The following FLG variants were observed in gnomAD, a reference collection of about 807,000 sequenced individuals.
The protein encoded by FLG is epidermal filaggrin.
In FLG, 6 loss-of-function variants were observed where a neutral mutation model predicts 3.8. The observed-to-expected ratio is 1.60, with a 90% CI of 0.87 to 3.15. The LOEUF is 3.15. Among genes scored for constraint, FLG ranks in the 30% most tolerant of loss-of-function variants. The pLI, the probability that FLG is intolerant of heterozygous loss-of-function variation, is 0.00. For synonymous variants in FLG, 2,551 were observed against 1,931.6 expected, an observed-to-expected ratio of 1.32 and a Z score of -8.41; for missense variants, 7,595 against 5,050.9, an observed-to-expected ratio of 1.50 and a Z score of -15.27.
Position 152,304,762 on chromosome 1 carries a change from C to T in FLG, c.10124G>A (p.Arg3375Gln), listed in dbSNP as rs551056294. The change falls in exon 3 of 3, where the codon CGG becomes CAG. Residue 3375 changes from arginine (R) to glutamine (Q), a missense_variant. Arg to Gln is a conservative substitution (Grantham distance 43). Coordinates refer to ENST00000368799, the MANE Select transcript of FLG (RefSeq NM_002016.2). The part of the protein sequence containing the change: ...QQSHQESARD[R>Q]SGGRSGRSGS... ...TGAACGTCCAGACCTTCCCCCTGAC[C>T]GGTCACGTGCGGACTCTTGGTGGCT... The T allele has an allele frequency of 1.9e-5, 31 of 1,613,460 alleles. No individual in the cohort carries two copies. The highest frequency in any genetic ancestry group is 7.7e-5 in the South Asian group (7 of 90,956).
Position 152,324,396 on chromosome 1 carries a change from C to T in FLG, c.-22+793G>A, listed in dbSNP as rs530072001. On this transcript the variant is annotated intron_variant, in intron 1 of 2. Transcript: ENST00000368799. ...CTGGTCCTCTTTTTAACTATGTATG[C>T]TCTAAGGCACACTAGCTTCTTTTTG... Among the ~76,000 whole-genome samples, 6 of 152,000 alleles carry T rather than the reference C, an allele frequency of 3.9e-5. No individual in the cohort carries two copies. In the South Asian group the frequency reaches 1.2e-3, roughly 32 times the overall value.
rs1306923589 is a variant in FLG, at chr1:152,309,362, G to T, written c.5524C>A (p.His1842Asn). 1 of 1,613,880 alleles carries T rather than the reference G, an allele frequency of 6.2e-7. No individual in the cohort carries two copies. The highest frequency in any genetic ancestry group is 2.2e-5 in the East Asian group (1 of 44,802). Residue 1842 changes from histidine (H) to asparagine (N), a missense_variant, in exon 3 of 3, where the codon CAT becomes AAT. Coordinates refer to ENST00000368799, the MANE Select transcript of FLG (RefSeq NM_002016.2). ...TCCTGGGACGTGGTGTGGCTGTGAT[G>T]AGACCCTGAGTGTCCAGAACTATCT... Reference protein sequence around the residue: ...SVDSSGHSGSHHSHTTSQERS... With the variant: ...SVDSSGHSGSNHSHTTSQERS...
chr1:152,307,666 C>CG lies in FLG; in HGVS notation c.7219_7220insC (p.Arg2407ThrfsTer16), dbSNP rs1652072683. On this transcript the variant is annotated frameshift_variant, in exon 3 of 3. Coordinates refer to ENST00000368799, the MANE Select transcript of FLG (RefSeq NM_002016.2). LOFTEE classifies it low-confidence loss of function (END_TRUNC). ...GAGGAAAGACCCTGAACGTCCAGACCTTCCTGCTGACCGGCCACGTGTGGA... is the reference window on the plus strand; with the variant it reads ...GAGGAAAGACCCTGAACGTCCAGACCGTTCCTGCTGACCGGCCACGTGTGGA... The CG allele has an allele frequency of 1.9e-6, 3 of 1,613,292 alleles. No homozygotes were observed. Among genetic ancestry groups the CG allele is most frequent in the Non-Finnish European group, 2.5e-6 (3 of 1,179,894 alleles).
At position 152,307,982 on chromosome 1, in the gene FLG, A is replaced by C. The variant is rs1557874834; in HGVS notation, c.6904T>G (p.Ser2302Ala). The change falls in exon 3 of 3, where the codon TCA (serine) becomes GCA (alanine). Residue 2302 changes from serine (S) to alanine (A), a missense_variant. Coordinates refer to ENST00000368799, the MANE Select transcript of FLG (RefSeq NM_002016.2). ...HGHSAESSRQ[S>A]GTHHAENSSG... is the part of the protein sequence containing the mutation. ...GAATTCTCTGCATGATGAGTGCCTGATTGTCTGGAGCTCTCTGCAGAGTGC... is the reference window on the plus strand; with the variant it reads ...GAATTCTCTGCATGATGAGTGCCTGCTTGTCTGGAGCTCTCTGCAGAGTGC... 6.2e-7 allele frequency: 1 copy of C among 1,614,036 alleles called. No homozygotes were observed. Among genetic ancestry groups the C allele is most frequent in the Admixed American group, 1.7e-5 (1 of 60,022 alleles).
Position 152,311,202 on chromosome 1 carries a change from G to A in FLG, c.3684C>T (p.Asp1228=), listed in dbSNP as rs370746166. 125 of 1,613,634 alleles carry A rather than the reference G, an allele frequency of 7.7e-5. No individual in the cohort carries two copies. Among genetic ancestry groups the A allele is most frequent in the Middle Eastern group, 4.9e-4 (3 of 6,084 alleles). The change falls in exon 3 of 3, where the codon GAC becomes GAT. Residue 1228 remains aspartate, a synonymous_variant. Transcript: ENST00000368799. ...GACGTGACCCTGAGTGCCTGGAGCC[G>A]TCTCCTGATTGTTTGTCCTTACGAG... ...RQTRKDKQSG[D]GSRHSGSRHH...
rs143921038 is a variant in FLG, at chr1:152,324,713, C to G, written c.-22+476G>C. Among the ~76,000 whole-genome samples, 19 of 151,792 alleles carry G rather than the reference C, an allele frequency of 1.3e-4. No individual in the cohort carries two copies. The East Asian group carries it at 1.9e-3, about 16-fold the overall frequency. On this transcript the variant is annotated intron_variant, in intron 1 of 2. Transcript: ENST00000368799. ...TAGTGTCAGTGTGTTTTATGTGTGG[C>G]CCAAGACAATTCTTTTTCCATTATG...
intron 1 of FLG, among the ~76,000 whole-genome samples, chr1:152,315,843 G>A (rs1022666749): frequency 1.3e-5 from 2 of 152,114 alleles, no homozygotes; most frequent in Non-Finnish European, 1.5e-5. Flanking sequence ...CAAATTTACT[G>A]AAAATTACTT....
At position 152,308,286 on chromosome 1, in the gene FLG, T is replaced by G. The variant is rs752294045; in HGVS notation, c.6600A>C (p.Gly2200=). Residue 2200 remains glycine (G), a synonymous_variant, in exon 3 of 3, where the codon GGA becomes GGC. Transcript: ENST00000368799. ...SRKTYDKEQS[G]DGSRHSGSHH... is the part of the protein sequence containing the mutation. ...GCGACCCTGAGTGCCTAGAGCCATCTCCTGATTGTTCCTTGTCATATGTTT... is the reference window on the plus strand; with the variant it reads ...GCGACCCTGAGTGCCTAGAGCCATCGCCTGATTGTTCCTTGTCATATGTTT... 9.3e-6 allele frequency: 15 copies of G among 1,613,390 alleles called. No individual in the cohort carries two copies. In the East Asian group the frequency reaches 3.1e-4, roughly 34 times the overall value.
intron 1 of FLG, among the ~76,000 whole-genome samples, chr1:152,324,506 A>ATCTT (rs1653084111): frequency 1.3e-5 from 2 of 151,868 alleles, no homozygotes; most frequent in African/African-American, 4.8e-5. Flanking sequence ...CAACTCAAAG[A>ATCTT]TAATTCCCTA....
Position 152,312,325 on chromosome 1 carries a change from C to A in FLG, c.2561G>T (p.Gly854Val), listed in dbSNP as rs373305550. The change falls in exon 3 of 3, where the codon GGG (glycine) becomes GTG (valine). Residue 854 changes from glycine to valine, a missense_variant. Physicochemically the swap from Gly to Val is moderately radical, Grantham distance 109. Coordinates refer to ENST00000368799, the MANE Select transcript of FLG (RefSeq NM_002016.2). ...ATCTACCGATTGCTCGTGGTGGGAC[C>A]CCTGCCTTCCTCTTCTGCTTGACCC... ...HPGSSRRGRQ[G>V]SHHEQSVDRS... 1 of 1,613,146 alleles carries A rather than the reference C, an allele frequency of 6.2e-7. No individual in the cohort carries two copies. The highest frequency in any genetic ancestry group is 2.2e-5 in the East Asian group (1 of 44,782).
In FLG at chr1:152,313,108, G is replaced by A. The variant is rs757276310; in HGVS notation, c.1778C>T (p.Ser593Phe). The A allele has an allele frequency of 8.7e-6, 14 of 1,613,788 alleles. No individual in the cohort carries two copies. Among genetic ancestry groups the A allele is most frequent in the Non-Finnish European group, 1.0e-5 (12 of 1,180,008 alleles). Residue 593 changes from serine to phenylalanine, a missense_variant, in exon 3 of 3, where the codon TCT becomes TTT. Ser to Phe is a radical substitution (Grantham distance 155). Coordinates refer to ENST00000368799, the MANE Select transcript of FLG (RefSeq NM_002016.2). ...TGAGTGTCTAGAGCTGTCAGCCTGAGAGGAAGCTTCATGATGACGTGACCC... is the reference window on the plus strand; with the variant it reads ...TGAGTGTCTAGAGCTGTCAGCCTGAAAGGAAGCTTCATGATGACGTGACCC... ...HSGSRHHEAS[S>F]QADSSRHSQV...
rs771813812 is a variant in FLG, at chr1:152,304,716, C to T, written c.10170G>A (p.Val3390=). The change falls in exon 3 of 3, where the codon GTG becomes GTA. Residue 3390 remains valine, a synonymous_variant. Coordinates refer to ENST00000368799, the MANE Select transcript of FLG (RefSeq NM_002016.2). ...CAGACTCAGACTGTTCATGAGTGCTCACCTGGTAGAGGAAAGACCCTGAAC... is the reference window on the plus strand; with the variant it reads ...CAGACTCAGACTGTTCATGAGTGCTTACCTGGTAGAGGAAAGACCCTGAAC... ...SGRSGSFLYQ[V]STHEQSESAH... 1.5e-5 allele frequency: 24 copies of T among 1,613,388 alleles called. No individual in the cohort carries two copies. The highest frequency in any genetic ancestry group is 2.2e-5 in the South Asian group (2 of 90,944).
In FLG at chr1:152,303,537, G is replaced by T; in HGVS notation, c.11349C>A (p.His3783Gln). ...TGGTGTGGCTGTGATGGGACCCTGA[G>T]TGTCCAGACCTATCTACCGATTGCT... ...YHEQSVDRSG[H>Q]SGSHHSHTTS... The change falls in exon 3 of 3, where the codon CAC (histidine) becomes CAA (glutamine). Residue 3783 changes from histidine (H) to glutamine (Q), a missense_variant. His to Gln is a conservative substitution (Grantham distance 24). Transcript: ENST00000368799. 1 of 1,614,116 alleles carries T rather than the reference G, an allele frequency of 6.2e-7. No individual in the cohort carries two copies. The highest frequency in any genetic ancestry group is 2.2e-5 in the East Asian group (1 of 44,860).
At position 152,310,554 on chromosome 1, in the gene FLG, C is replaced by T. The variant is rs779352008; in HGVS notation, c.4332G>A (p.Gln1444=). The change falls in exon 3 of 3, where the codon CAG becomes CAA. Residue 1444 remains glutamine (Q), a synonymous_variant. Transcript: ENST00000368799. ...ACTCAGACTGTTCATGAGAGCTCAC[C>T]TGGTAGAGGAAAGACCTTGAACGTC... ...SSGRSRSFLY[Q]VSSHEQSEST... is the part of the protein sequence containing the mutation. The T allele has an allele frequency of 6.6e-5, 106 of 1,613,738 alleles. No individual in the cohort carries two copies. The highest frequency in any genetic ancestry group is 7.9e-5 in the Non-Finnish European group (93 of 1,179,922).
rs1214545091 is a variant in FLG, at chr1:152,314,180, A to G, written c.706T>C (p.Tyr236His). The change falls in exon 3 of 3, where the codon TAT (tyrosine) becomes CAT (histidine). Residue 236 changes from tyrosine to histidine, a missense_variant. Tyr to His is a moderately conservative substitution (Grantham distance 83). Coordinates refer to ENST00000368799, the MANE Select transcript of FLG (RefSeq NM_002016.2). ...TAGGCTTCATCCTGGATTGTGTAAT[A>G]TGTGGCAATATGGCCTGATTGTATC... ...KWIQSGHIAT[Y>H]YTIQDEAYDT... is the part of the protein sequence containing the mutation. 3 of 1,614,004 alleles carry G rather than the reference A, an allele frequency of 1.9e-6. No individual in the cohort carries two copies. The highest frequency in any genetic ancestry group is 3.3e-5 in the Admixed American group (2 of 60,006).
Position 152,310,974 on chromosome 1 carries a change from A to G in FLG, c.3912T>C (p.Asp1304=). The G allele has an allele frequency of 6.2e-7, 1 of 1,613,824 alleles. No homozygotes were observed. The change falls in exon 3 of 3, where the codon GAT becomes GAC. Residue 1304 remains aspartate (D), a synonymous_variant. Transcript: ENST00000368799. ...GATGGAACCCAGGGTGTCTGGAGCC[A>G]TCTCTTGACTGCTCCCGAGAAGATC... ...HHGSSREQSR[D]GSRHPGFHQE...
chr1:152,302,710 T>G lies in FLG; in HGVS notation c.12176A>C (p.Tyr4059Ser), dbSNP rs759542688. 1 of 1,613,450 alleles carries G rather than the reference T, an allele frequency of 6.2e-7. No individual in the cohort carries two copies. Among genetic ancestry groups the G allele is most frequent in the East Asian group, 2.2e-5 (1 of 44,868 alleles). Reference sequence around the variant, plus strand: ...TTTGCCATTAATTTCTTACTCATAGTAATAGTATCTCTGTGACTGACTAAA... The same window carrying G: ...TTTGCCATTAATTTCTTACTCATAGGAATAGTATCTCTGTGACTGACTAAA... ...LGFSQSQRYY[Y>S]YE The change falls in exon 3 of 3, where the codon TAC (tyrosine) becomes TCC (serine). Residue 4059 changes from tyrosine to serine, a missense_variant. Tyr to Ser is a moderately radical substitution (Grantham distance 144). Transcript: ENST00000368799.
Position 152,302,715 on chromosome 1 carries a change from G to A in FLG, c.12171C>T (p.Tyr4057=), listed in dbSNP as rs763418475. The part of the protein sequence containing the change: ...KQLGFSQSQR[Y]YYYE ...CATTAATTTCTTACTCATAGTAATA[G>A]TATCTCTGTGACTGACTAAATCCCA... Residue 4057 remains tyrosine (Y), a synonymous_variant, in exon 3 of 3, where the codon TAC becomes TAT. Coordinates refer to ENST00000368799, the MANE Select transcript of FLG (RefSeq NM_002016.2). The A allele has an allele frequency of 6.2e-6, 10 of 1,613,030 alleles. No individual in the cohort carries two copies. In the South Asian group the frequency reaches 6.6e-5, roughly 11 times the overall value.
chr1:152,310,708 C>T lies in FLG; in HGVS notation c.4178G>A (p.Ser1393Asn), dbSNP rs764998625. The change falls in exon 3 of 3, where the codon AGT becomes AAT. Residue 1393 changes from serine (S) to asparagine (N), a missense_variant. Physicochemically the swap from Ser to Asn is conservative, Grantham distance 46. Coordinates refer to ENST00000368799, the MANE Select transcript of FLG (RefSeq NM_002016.2). The part of the protein sequence containing the change: ...RDSGHRGSSG[S>N]QVTNSEGHSE... ...ATGTCCCTCACTGTTAGTGACCTGA[C>T]TACCACTGGACCCTCGGTGTCCACT... is the stretch of plus-strand genomic sequence containing the variant. The T allele has an allele frequency of 6.2e-7, 1 of 1,614,094 alleles. No homozygotes were observed. The highest frequency in any genetic ancestry group is 1.7e-5 in the Admixed American group (1 of 60,018).
Sources: allele counts gnomAD v4.1 joint callset (sites outside exome capture counted in the v4.1 genomes callset), GRCh38; gene constraint gnomAD v4.1.1; transcripts MANE v1.5; gene names NCBI Gene and HGNC (gene_info 2026-07-23, HGNC 2026-07-21).